Variants in GEMIN5 observed in about 807,000 individuals in gnomAD.
GEMIN5 encodes the protein gem-associated protein 5.
In GEMIN5, 124 loss-of-function variants were observed where a neutral mutation model predicts 176.9. That is an observed-to-expected ratio of 0.70 (90% CI 0.61 to 0.81). The LOEUF (loss-of-function observed/expected upper bound fraction) is 0.81. GEMIN5 is among the 40% of genes least tolerant of loss of function. GEMIN5 has a pLI of 0.00. For missense variants in GEMIN5, 1,843 were observed against 1,814.6 expected (o/e 1.02, Z -0.28); for synonymous variants, 673 against 665.2 (o/e 1.01, Z -0.18).
At position 154,888,273 on chromosome 5, in the gene GEMIN5, C is replaced by G. The variant is rs772904174; in HGVS notation, c.4464G>C (p.Glu1488Asp). 28 of 1,614,028 alleles carry G rather than the reference C, an allele frequency of 1.7e-5. No individual in the cohort carries two copies. The African/African-American group carries it at 3.1e-4, about 18-fold the overall frequency. The change falls in exon 28 of 28, where the codon GAG (glutamate) becomes GAC (aspartate). Residue 1488 changes from glutamate to aspartate, a missense_variant. Glu to Asp is a conservative substitution (Grantham distance 45). Transcript: ENST00000285873. The part of the protein sequence containing the change: ...LAQEMQQQAQ[E>D]LLQKYGNTKT... ...TCGTGTTGCCGTATTTCTGAAGGAG[C>G]TCTTGGGCCTGCTGCTGCATTTCCT...
chr5:154,934,307 C>T (rs1764222590), intron 3 of GEMIN5, among the ~76,000 whole-genome samples: 1 of 152,186 alleles, frequency 6.6e-6, no homozygotes, highest in South Asian at 2.1e-4. Flanking sequence ...CTGCCTCAGC[C>T]TCCCTAGTAG....
intron 24 of GEMIN5, among the ~76,000 whole-genome samples, chr5:154,893,806 C>T (rs991356779): frequency 1.2e-4 from 18 of 152,092 alleles, no homozygotes; most frequent in African/African-American, 4.3e-4. Context: ...TGCAGTGGCA[C>T]GATCTCGGCT....
rs35562111 is a variant in GEMIN5, at chr5:154,891,677, A to C, written c.3826T>G (p.Leu1276Val). Residue 1276 changes from leucine to valine, a missense_variant, in exon 26 of 28, where the codon TTG becomes GTG. Leu to Val is a conservative substitution (Grantham distance 32). Coordinates refer to ENST00000285873, the MANE Select transcript of GEMIN5 (RefSeq NM_015465.5). ...CGCCCATAAAGAAAAAAGGCCTCCAAACTTTTGAAAGCTGGTGTGGCAGGG... is the reference window on the plus strand; with the variant it reads ...CGCCCATAAAGAAAAAAGGCCTCCACACTTTTGAAAGCTGGTGTGGCAGGG... The part of the protein sequence containing the change: ...QSPATPAFKS[L>V]EAFFLYGRLY... 3,662 of 1,612,358 alleles carry C rather than the reference A, an allele frequency of 2.3e-3. 72 individuals carry two copies. In the African/African-American group the frequency reaches 0.043, roughly 19 times the overall value.
chr5:154,937,171 C>T lies in GEMIN5; in HGVS notation c.181G>A (p.Val61Met). ...TPPFRVIGEL[V>M]GHTERVSGFT... ...CCAGAGACCCTTTCGGTGTGTCCCA[C>T]CAACTCTCCTATGACTTTAAGCAAA... Residue 61 changes from valine to methionine, a missense_variant, in exon 2 of 28, where the codon GTG (valine) becomes ATG (methionine). By Grantham distance (21) the Val-to-Met change is conservative (BLOSUM62 1). Transcript: ENST00000285873. The T allele has an allele frequency of 6.2e-7, 1 of 1,610,328 alleles. No individual in the cohort carries two copies. The highest frequency in any genetic ancestry group is 2.2e-5 in the East Asian group (1 of 44,812).
At chr5:154,932,993 T>C (rs1347042810) in intron 3 of GEMIN5, among the ~76,000 whole-genome samples, 1 of 152,256 alleles carries the variant, frequency 6.6e-6, no homozygotes, top group Non-Finnish European at 1.5e-5. Context: ...GACCTGCATA[T>C]TCCAAGGCTG....
rs1763224660 is a variant in GEMIN5, at chr5:154,891,460, T to C, written c.4043A>G (p.Glu1348Gly). 1 of 1,614,002 alleles carries C rather than the reference T, an allele frequency of 6.2e-7. No homozygotes were observed. Among genetic ancestry groups the C allele is most frequent in the Non-Finnish European group, 8.5e-7 (1 of 1,179,976 alleles). The change falls in exon 26 of 28, where the codon GAA (glutamate) becomes GGA (glycine). Residue 1348 changes from glutamate to glycine, a missense_variant. Transcript: ENST00000285873. ...PSELDLRLTEEGERMLSTFKE... is the reference protein window; with the variant it reads ...PSELDLRLTEGGERMLSTFKE... ...AAAAGTACTCAGCATTCGCTCACCT[T>C]CTTCTGTGAGTCTCAAGTCTAGTTC... is the stretch of plus-strand genomic sequence containing the variant.
Position 154,935,937 on chromosome 5 carries a change from C to G in GEMIN5, c.413G>C (p.Trp138Ser), listed in dbSNP as rs761588739. ...GDEKGVVFCYWFNRNDSQHLF... is the reference protein window; with the variant it reads ...GDEKGVVFCYSFNRNDSQHLF... ...GTGCTGGCTGTCATTTCTGTTAAACCAGTAACAGAAAACTACTCCTTTTTC... is the reference window on the plus strand; with the variant it reads ...GTGCTGGCTGTCATTTCTGTTAAACGAGTAACAGAAAACTACTCCTTTTTC... The change falls in exon 3 of 28, where the codon TGG becomes TCG. Residue 138 changes from tryptophan (W) to serine (S), a missense_variant. By Grantham distance (177) the Trp-to-Ser change is radical (BLOSUM62 -3). Coordinates refer to ENST00000285873, the MANE Select transcript of GEMIN5 (RefSeq NM_015465.5). 6.2e-7 allele frequency: 1 copy of G among 1,607,998 alleles called. No individual in the cohort carries two copies. Among genetic ancestry groups the G allele is most frequent in the Non-Finnish European group, 8.5e-7 (1 of 1,174,492 alleles).
chr5:154,906,407 G>A (rs1763569610), intron 16 of GEMIN5, among the ~76,000 whole-genome samples: 1 of 152,054 alleles, frequency 6.6e-6, no homozygotes, highest in Admixed American at 6.6e-5. Flanking sequence ...ACATTTCTAG[G>A]TCATAAAGTA....
rs147083765 is a variant in GEMIN5, at chr5:154,925,884, C to T, written c.1271G>A (p.Gly424Asp). 3.7e-5 allele frequency: 60 copies of T among 1,612,044 alleles called. No individual in the cohort carries two copies. The highest frequency in any genetic ancestry group is 5.0e-5 in the Non-Finnish European group (59 of 1,178,320). The change falls in exon 8 of 28, where the codon GGC becomes GAC. Residue 424 changes from glycine (G) to aspartate (D), a missense_variant. Coordinates refer to ENST00000285873, the MANE Select transcript of GEMIN5 (RefSeq NM_015465.5). ...NNYDVKNFWQ[G>D]VKSKVTALCW... ...TACCGCTGTAACCTTGGACTTCACG[C>T]CTTGCCAAAAATTTTTCACATCATA...
In GEMIN5 at chr5:154,915,817, A is replaced by C. The variant is rs1019165691; in HGVS notation, c.1855+1181T>G. Among the ~76,000 whole-genome samples the C allele has an allele frequency of 3.8e-4, 58 of 152,318 alleles. No homozygotes were observed. The Middle Eastern group carries it at 0.014, about 36-fold the overall frequency. On this transcript the variant is annotated intron_variant, in intron 13 of 27. Transcript: ENST00000285873. Reference sequence around the variant, plus strand: ...GTATTAAATGGCATAATGTTTTTGGAGAGCCGCTTAGCAGTAAGTATAAAA... The same window carrying C: ...GTATTAAATGGCATAATGTTTTTGGCGAGCCGCTTAGCAGTAAGTATAAAA...
At position 154,937,061 on chromosome 5, in the gene GEMIN5, C is replaced by T. The variant is rs1374748211; in HGVS notation, c.291G>A (p.Glu97=). 2 of 1,613,784 alleles carry T rather than the reference C, an allele frequency of 1.2e-6. No homozygotes were observed. Among genetic ancestry groups the T allele is most frequent in the Non-Finnish European group, 8.5e-7 (1 of 1,179,894 alleles). The change falls in exon 2 of 28, where the codon GAG becomes GAA. Residue 97 remains glutamate (E), a synonymous_variant. Coordinates refer to ENST00000285873, the MANE Select transcript of GEMIN5 (RefSeq NM_015465.5). The part of the protein sequence containing the change: ...DDGTVKIWDV[E]TKTVVTEHAL... ...CATGTTCTGTCACAACTGTTTTTGT[C>T]TCTACATCCCATATTTTCACAGTCC...
rs986970498 is a variant in GEMIN5 at position 154,931,709 on chromosome 5, G to C, written c.662-132C>G. 2.8e-4 allele frequency: 199 copies of C among 709,256 alleles called. No homozygotes were observed. In the African/African-American group the frequency reaches 3.4e-3, roughly 12 times the overall value. 43.9% of individuals were successfully genotyped at this position (709,256 alleles called of 1,614,324 possible). On this transcript the variant is annotated intron_variant, in intron 4 of 27. Coordinates refer to ENST00000285873, the MANE Select transcript of GEMIN5 (RefSeq NM_015465.5). ...CTGAACTATAAAATTTGAAGTTTTA[G>C]GTATAATTAAAATGATATAATTCGG... is the stretch of plus-strand genomic sequence containing the variant.
chr5:154,936,887 C>G (rs1764280993), intron 2 of GEMIN5, 138 bp downstream of exon 2: 3 of 683,678 alleles, frequency 4.4e-6, no homozygotes, highest in Non-Finnish European at 4.9e-6. Context: ...AGACATCTTA[C>G]AATATAGTTT....
At chr5:154,918,123 T>G (rs1024415806) in intron 11 of GEMIN5, 119 bp from the exon 12 acceptor site, 1 of 644,580 alleles carries the variant, frequency 1.6e-6, no homozygotes, top group Non-Finnish European at 2.8e-6. Context: ...CAGCTATTCT[T>G]GTAAATAATC....
At chr5:154,913,816 C>CA (rs201344739) in intron 13 of GEMIN5, among the ~76,000 whole-genome samples, 2,397 of 148,976 alleles carry the variant, frequency 0.016, 34 homozygotes, top group Non-Finnish European at 0.022. Context: ...GACCCTGTCT[C>CA]AAAAAAAAAG....
At position 154,936,020 on chromosome 5, in the gene GEMIN5, A is replaced by G. The variant is rs913427311; in HGVS notation, c.330T>C (p.His110=). 14 of 1,580,370 alleles carry G rather than the reference A, an allele frequency of 8.9e-6. No individual in the cohort carries two copies. The highest frequency in any genetic ancestry group is 1.2e-5 in the Non-Finnish European group (14 of 1,166,774). The change falls in exon 3 of 28, where the codon CAT becomes CAC. Residue 110 remains histidine (H), a splice_region_variant and synonymous_variant. Transcript: ENST00000285873. ...GAGACCAATGTAATGTTGATATCGT[A>G]TGCTTTAAAACAAAACAAAAATTTG... ...TVVTEHALHQ[H]TISTLHWSPR... is the part of the protein sequence containing the mutation.
At chr5:154,895,991 C>G in intron 24 of GEMIN5, 101 bp downstream of exon 24, 1 of 1,382,610 alleles carries the variant, frequency 7.2e-7, no homozygotes, top group Admixed American at 2.2e-5. Context: ...TTTTCTGAAA[C>G]ACAGTCCAGT....
At chr5:154,924,675 T>C in intron 8 of GEMIN5, 121 bp from the exon 9 acceptor site, 2 of 691,570 alleles carry the variant, frequency 2.9e-6, no homozygotes, top group Non-Finnish European at 2.5e-6. Flanking sequence ...TCTTCATTAT[T>C]TAAAGGAGAA....
Position 154,899,330 on chromosome 5 carries a change from CT to C in GEMIN5, c.3015-21del, listed in dbSNP as rs1561712113. On this transcript the variant is annotated intron_variant, in intron 21 of 27. Coordinates refer to ENST00000285873, the MANE Select transcript of GEMIN5 (RefSeq NM_015465.5). Reference sequence around the variant, plus strand: ...GCTTCCCTAAAGGCAAGAACAGACCCTTTAGCCAATCTGAAAAGGCTCCTCT... The same window carrying C: ...GCTTCCCTAAAGGCAAGAACAGACCCTTAGCCAATCTGAAAAGGCTCCTCT... 1 of 1,587,756 alleles carries C rather than the reference CT, an allele frequency of 6.3e-7. No individual in the cohort carries two copies. The highest frequency in any genetic ancestry group is 1.8e-5 in the Admixed American group (1 of 56,720).
Sources: gnomAD v4.1 joint callset for allele counts (sites outside exome capture counted in the v4.1 genomes callset) on GRCh38, gnomAD v4.1.1 for gene constraint, MANE v1.5 for transcripts, NCBI Gene and HGNC (gene_info 2026-07-23, HGNC 2026-07-21) for gene names.